Variants in RSRC1 observed in about 807,000 individuals in gnomAD.
RSRC1 encodes the protein serine/Arginine-related protein 53.
In RSRC1, 39 loss-of-function variants were observed where a neutral mutation model predicts 49.1. That is an observed-to-expected ratio of 0.79 (90% CI 0.61 to 1.04). RSRC1 has a LOEUF of 1.04. Ranked by LOEUF, RSRC1 falls within the 50% of genes least tolerant of loss-of-function variation. RSRC1 has a pLI of 0.00. For missense variants in RSRC1, 388 were observed against 402.4 expected (o/e 0.96, Z 0.31); for synonymous variants, 143 against 130.8 (o/e 1.09, Z -0.63).
At chr3:158,540,194 G>A (rs1430385132) in intron 8 of RSRC1, among the ~76,000 whole-genome samples, 1 of 151,944 alleles carries the variant, frequency 6.6e-6, no homozygotes, top group Non-Finnish European at 1.5e-5. Context: ...TATCACTTAG[G>A]GCCACAAACC....
intron 1 of RSRC1, among the ~76,000 whole-genome samples, chr3:158,112,407 G>C (rs934878905): frequency 6.6e-6 from 1 of 152,112 alleles, no homozygotes; most frequent in East Asian, 1.9e-4. Flanking sequence ...GTGGTGAGTA[G>C]GACTTCAGTA....
At chr3:158,514,206 G>A (rs1038334487) in intron 7 of RSRC1, among the ~76,000 whole-genome samples, 13 of 152,154 alleles carry the variant, frequency 8.5e-5, no homozygotes, top group Non-Finnish European at 1.8e-4. Context: ...TAATTGTGAT[G>A]TTAGGGTGTC....
chr3:158,432,441 A>T (rs970998550), intron 6 of RSRC1, among the ~76,000 whole-genome samples: 1 of 151,934 alleles, frequency 6.6e-6, no homozygotes, highest in Non-Finnish European at 1.5e-5. Flanking sequence ...ACTGAATTTT[A>T]TCTGTCGATT....
At position 158,276,080 on chromosome 3, in the gene RSRC1, C is replaced by T. The variant is rs796475043; in HGVS notation, c.495-21959C>T. ...TCACCAACCCAGTAAGAATTCAGGA[C>T]TCTTAGAGCCCCACAGTGGCGTCCA... On this transcript the variant is annotated intron_variant, in intron 4 of 9. Transcript: ENST00000611884. 1.4e-5 allele frequency: 12 copies of T among 878,384 alleles called. No individual in the cohort carries two copies. The East Asian group carries it at 2.5e-4, about 18-fold the overall frequency. 54.4% of individuals were successfully genotyped at this position (878,384 alleles called of 1,614,324 possible).
intron 4 of RSRC1, among the ~76,000 whole-genome samples, chr3:158,210,630 T>G (rs1721622824): frequency 6.6e-6 from 1 of 152,076 alleles, no homozygotes; most frequent in Non-Finnish European, 1.5e-5. Context: ...GCCCATTGTG[T>G]TGTTGGCCAT....
intron 3 of RSRC1, among the ~76,000 whole-genome samples, chr3:158,152,095 A>T (rs1162512862): frequency 1.3e-5 from 2 of 149,494 alleles, no homozygotes; most frequent in Non-Finnish European, 3.0e-5. Flanking sequence ...TTTTTTTTTC[A>T]GATATTGAAT....
intron 4 of RSRC1, among the ~76,000 whole-genome samples, chr3:158,295,281 A>G (rs1015512881): frequency 3.3e-5 from 5 of 152,176 alleles, no homozygotes; most frequent in African/African-American, 1.2e-4. Flanking sequence ...AAAGTGGTTC[A>G]TTGGTGAGTG....
chr3:158,424,933 T>C (rs1223326859), intron 6 of RSRC1, among the ~76,000 whole-genome samples: 1 of 151,692 alleles, frequency 6.6e-6, no homozygotes, highest in Non-Finnish European at 1.5e-5. Context: ...ATATCCCCTT[T>C]ATCATTTTTT....
chr3:158,445,264 T>A (rs1027375064), intron 6 of RSRC1, among the ~76,000 whole-genome samples: 1 of 152,078 alleles, frequency 6.6e-6, no homozygotes, highest in South Asian at 2.1e-4. Context: ...CAGATGTCCA[T>A]CAGTGATAGA....
chr3:158,271,063 A>G (rs1725491594), intron 4 of RSRC1, among the ~76,000 whole-genome samples: 1 of 152,146 alleles, frequency 6.6e-6, no homozygotes, highest in Non-Finnish European at 1.5e-5. Context: ...TTTAAAATTT[A>G]AGTATGTAGC....
chr3:158,427,570 C>T (rs528468949), intron 6 of RSRC1, among the ~76,000 whole-genome samples: 2 of 151,790 alleles, frequency 1.3e-5, no homozygotes, highest in African/African-American at 2.4e-5. Context: ...TTAATTGGTA[C>T]AGAAATCACC....
At chr3:158,242,032 C>CTTT (rs34356543) in intron 4 of RSRC1, among the ~76,000 whole-genome samples, 801 of 66,418 alleles carry the variant, frequency 0.012, 100 homozygotes, top group African/African-American at 0.03. Flanking sequence ...AATTTCCAAC[C>CTTT]TTTTTTTTTT....
chr3:158,191,420 C>T (rs866768354), intron 3 of RSRC1, among the ~76,000 whole-genome samples: 38 of 151,902 alleles, frequency 2.5e-4, no homozygotes, highest in African/African-American at 3.1e-4. Flanking sequence ...TTCTTTTGAA[C>T]GACAAAATAT....
intron 4 of RSRC1, among the ~76,000 whole-genome samples, chr3:158,240,634 T>C (rs1473763828): frequency 6.6e-6 from 1 of 152,216 alleles, no homozygotes; most frequent in Non-Finnish European, 1.5e-5. Context: ...CTTCTCCTTA[T>C]CTGTGGTTTT....
chr3:158,150,597 G>A (rs1398769218), intron 3 of RSRC1, among the ~76,000 whole-genome samples: 14 of 152,254 alleles, frequency 9.2e-5, no homozygotes, highest in Non-Finnish European at 1.8e-4. Context: ...AGGGACAGTA[G>A]TAGGTCTTGA....
chr3:158,226,138 T>A (rs1298558542), intron 4 of RSRC1, among the ~76,000 whole-genome samples: 1 of 151,872 alleles, frequency 6.6e-6, no homozygotes, highest in East Asian at 1.9e-4. Flanking sequence ...GGGAATGGAA[T>A]GGGTCTGGAT....
At chr3:158,311,429 A>G (rs1223600775) in intron 5 of RSRC1, among the ~76,000 whole-genome samples, 2 of 151,950 alleles carry the variant, frequency 1.3e-5, no homozygotes, top group Non-Finnish European at 2.9e-5. Context: ...CCAGCCTTTA[A>G]TATTTAGATT....
intron 6 of RSRC1, among the ~76,000 whole-genome samples, chr3:158,419,812 A>G (rs1420071868): frequency 8.5e-6 from 1 of 117,486 alleles, no homozygotes; most frequent in Non-Finnish European, 1.8e-5. Flanking sequence ...TAGACACTTT[A>G]AATCTAGCAA....
intron 6 of RSRC1, among the ~76,000 whole-genome samples, chr3:158,447,779 A>G (rs967401699): frequency 3.3e-5 from 5 of 151,914 alleles, no homozygotes; most frequent in Non-Finnish European, 7.4e-5. Flanking sequence ...AAGAAAAGAA[A>G]CACCCTTTTT....
Sources: allele counts gnomAD v4.1 joint callset (sites outside exome capture counted in the v4.1 genomes callset), GRCh38; gene constraint gnomAD v4.1.1; transcripts MANE v1.5; gene names NCBI Gene and HGNC (gene_info 2026-07-23, HGNC 2026-07-21).